Variants in KIAA1217 observed in about 807,000 individuals in gnomAD.
The protein encoded by KIAA1217 is KIAA1217.
A neutral mutation model predicts 163.9 loss-of-function variants in KIAA1217; 88 were observed. The ratio of observed to expected loss-of-function variants is 0.54; its 90% confidence interval spans 0.45 to 0.64. KIAA1217 has a LOEUF of 0.64. Among genes scored for constraint, KIAA1217 ranks in the 30% least tolerant of loss-of-function variants. The pLI is 0.00. For missense variants in KIAA1217, 2,372 were observed against 2,475.0 expected (o/e 0.96, Z 0.88); for synonymous variants, 903 against 923.1 (o/e 0.98, Z 0.39).
At chr10:23,993,926 G>T (rs1846343711) in intron 1 of KIAA1217, among the ~76,000 whole-genome samples, 1 of 151,970 alleles carries the variant, frequency 6.6e-6, no homozygotes, top group Admixed American at 6.6e-5. Context: ...GAGTCTTCCC[G>T]GTGTGCCTAA....
intron 4 of KIAA1217, among the ~76,000 whole-genome samples, chr10:24,437,843 G>GTTT (rs200060214): frequency 7.9e-5 from 7 of 88,180 alleles, no homozygotes; most frequent in South Asian, 3.5e-4. Context: ...TTTTGGTACT[G>GTTT]TTTTTTTTTT....
At chr10:24,201,588 C>T (rs941412679) in intron 2 of KIAA1217, among the ~76,000 whole-genome samples, 2 of 152,116 alleles carry the variant, frequency 1.3e-5, no homozygotes, top group Non-Finnish European at 2.9e-5. Flanking sequence ...CTACCTCCTG[C>T]ATGCCAGCAC....
chr10:23,734,175 C>T (rs939711321), intron 1 of KIAA1217, among the ~76,000 whole-genome samples: 9 of 152,072 alleles, frequency 5.9e-5, no homozygotes, highest in Admixed American at 2.0e-4. Context: ...CTTACTTGGA[C>T]CAATCTCTGC....
At chr10:24,343,373 TTAGAG>T (rs56258176) in intron 2 of KIAA1217, among the ~76,000 whole-genome samples, 14,797 of 152,182 alleles carry the variant, frequency 0.097, 742 homozygotes, top group African/African-American at 0.13. Flanking sequence ...ATCATTGACG[TTAGAG>T]TATATTTTCC....
At chr10:23,754,333 T>C (rs1833813409) in intron 1 of KIAA1217, among the ~76,000 whole-genome samples, 1 of 152,234 alleles carries the variant, frequency 6.6e-6, no homozygotes, top group Non-Finnish European at 1.5e-5. Context: ...GACTCATCTC[T>C]GTCCTAAAAG....
intron 1 of KIAA1217, among the ~76,000 whole-genome samples, chr10:23,964,217 A>G (rs746675118): frequency 5.3e-5 from 8 of 150,750 alleles, no homozygotes; most frequent in Non-Finnish European, 5.9e-5. Flanking sequence ...GCTGTTTTTC[A>G]TATGTTTGTT....
At chr10:24,000,427 T>G (rs1216705033) in intron 1 of KIAA1217, among the ~76,000 whole-genome samples, 1 of 152,218 alleles carries the variant, frequency 6.6e-6, no homozygotes, top group Non-Finnish European at 1.5e-5. Context: ...GAAGGACAGG[T>G]TTGCTTCGCC....
At chr10:24,541,192 G>A (rs537887986) in intron 17 of KIAA1217, among the ~76,000 whole-genome samples, 19 of 137,874 alleles carry the variant, frequency 1.4e-4, no homozygotes, top group African/African-American at 4.2e-4. Context: ...GGGATTACAG[G>A]AAGCTCAATT....
rs1266750878 is a variant in KIAA1217 at position 24,055,954 on chromosome 10, AT to A, written c.-171+48583del. On this transcript the variant is annotated intron_variant, in intron 2 of 18. Transcript: ENST00000376462. ...AGAAGGCTAAAGCTAAAAACACTAAATTTAAAAAAAAAAAAATACCCCAAAT... is the reference window on the plus strand; with the variant it reads ...AGAAGGCTAAAGCTAAAAACACTAAATTAAAAAAAAAAAAATACCCCAAAT... Among the ~76,000 whole-genome samples, 592 of 149,704 alleles carry A rather than the reference AT, an allele frequency of 4.0e-3. 1 individual carries two copies. Among genetic ancestry groups the A allele is most frequent in the African/African-American group, 0.014 (542 of 39,444 alleles).
chr10:24,109,033 T>C (rs1194510358), intron 2 of KIAA1217, among the ~76,000 whole-genome samples: 1 of 150,674 alleles, frequency 6.6e-6, no homozygotes, highest in African/African-American at 2.5e-5. Flanking sequence ...GGTTTCCCCA[T>C]GTTGGCCAGG....
At chr10:24,528,374 T>G in intron 14 of KIAA1217, among the ~76,000 whole-genome samples, 1 of 149,350 alleles carries the variant, frequency 6.7e-6, no homozygotes. Flanking sequence ...CAGGCTGGAG[T>G]GTAGTGGTAT....
chr10:24,543,145 C>G lies in KIAA1217; in HGVS notation c.3875C>G (p.Ser1292Cys), dbSNP rs372153751. ...KGSKISGLQY[S>C]IPDTENQTLN... The stretch of plus-strand genomic sequence containing the variant: ...TCTAAAATCTCAGGCCTGCAATACT[C>G]TATACCTGACACCGAGAACCAGACG... The change falls in exon 19 of 21, where the codon TCT becomes TGT. Residue 1292 changes from serine (S) to cysteine (C), a missense_variant. Physicochemically the swap from Ser to Cys is moderately radical, Grantham distance 112. Transcript: ENST00000376454. 67 of 1,613,078 alleles carry G rather than the reference C, an allele frequency of 4.2e-5. No homozygotes were observed. The highest frequency in any genetic ancestry group is 5.3e-5 in the Non-Finnish European group (63 of 1,179,926).
chr10:23,800,814 G>A (rs565639094), intron 1 of KIAA1217, among the ~76,000 whole-genome samples: 10 of 152,264 alleles, frequency 6.6e-5, no homozygotes, highest in South Asian at 6.2e-4. Context: ...TCACTAAAAC[G>A]TCAGGAAACA....
intron 1 of KIAA1217, among the ~76,000 whole-genome samples, chr10:23,854,470 C>T (rs1432105098): frequency 6.6e-6 from 1 of 151,936 alleles, no homozygotes; most frequent in Middle Eastern, 3.2e-3. Flanking sequence ...TGGTGTGGTG[C>T]TGAAAAAAAT....
chr10:24,469,404 C>T (rs1039056261), intron 5 of KIAA1217, among the ~76,000 whole-genome samples: 2 of 151,694 alleles, frequency 1.3e-5, no homozygotes, highest in Admixed American at 6.6e-5. Flanking sequence ...GGATTATAGG[C>T]GTGAACCACT....
chr10:24,066,511 A>T (rs184551394), intron 2 of KIAA1217, among the ~76,000 whole-genome samples: 372 of 152,262 alleles, frequency 2.4e-3, no homozygotes, highest in African/African-American at 8.6e-3. Context: ...CCGAGAGATT[A>T]TCTGTTAGTC....
chr10:24,277,997 C>T (rs1387475258), intron 2 of KIAA1217, among the ~76,000 whole-genome samples: 2 of 152,204 alleles, frequency 1.3e-5, no homozygotes, highest in African/African-American at 4.8e-5. Flanking sequence ...TGGACCTATG[C>T]CTTTTGTCCT....
chr10:23,880,682 G>A (rs1040840152), intron 1 of KIAA1217, among the ~76,000 whole-genome samples: 1 of 151,856 alleles, frequency 6.6e-6, no homozygotes, highest in Non-Finnish European at 1.5e-5. Context: ...TATTATGCGT[G>A]GCATGCTTGT....
intron 2 of KIAA1217, among the ~76,000 whole-genome samples, chr10:24,028,103 A>G (rs997848276): frequency 2.0e-5 from 3 of 152,154 alleles, no homozygotes; most frequent in Non-Finnish European, 4.4e-5. Context: ...AATCATTAAG[A>G]CAGCAAACAT....
Sources: gnomAD v4.1 joint callset for allele counts (sites outside exome capture counted in the v4.1 genomes callset) on GRCh38, gnomAD v4.1.1 for gene constraint, MANE v1.5 for transcripts, NCBI Gene and HGNC (gene_info 2026-07-23, HGNC 2026-07-21) for gene names.